The following IL1RAPL1 variants were observed in gnomAD, a reference collection of about 807,000 sequenced individuals.
IL1RAPL1 encodes the protein interleukin 1 receptor accessory protein like 1.
Under a neutral mutation model 48.4 loss-of-function variants are expected in IL1RAPL1, and 3 were observed. The ratio of observed to expected loss-of-function variants is 0.06; its 90% CI spans 0.03 to 0.16. IL1RAPL1 has a LOEUF of 0.16. IL1RAPL1 is among the 10% of genes least tolerant of loss of function. IL1RAPL1 has a pLI of 1.00. For missense variants in IL1RAPL1, 349 were observed against 530.6 expected (o/e 0.66, Z 3.36); for synonymous variants, 185 against 187.7 (o/e 0.99, Z 0.12).
At chrX:29,222,300 T>A (rs950673798) in intron 2 of IL1RAPL1, among the ~76,000 whole-genome samples, 1 of 111,931 alleles carries the variant, frequency 8.9e-6, no homozygotes, top group Admixed American at 9.5e-5. Flanking sequence ...CATTTCTGCC[T>A]AACTTCTATA....
chrX:29,514,527 C>A (rs1285802711), intron 5 of IL1RAPL1, among the ~76,000 whole-genome samples: 2 of 112,659 alleles, frequency 1.8e-5, no homozygotes, highest in Admixed American at 9.4e-5. Flanking sequence ...CGGCTCACTG[C>A]AACCTCTGCC....
chrX:29,616,202 T>G (rs1487443199), intron 5 of IL1RAPL1, among the ~76,000 whole-genome samples: 1 of 111,761 alleles, frequency 8.9e-6, no homozygotes, highest in Non-Finnish European at 1.9e-5. Context: ...ATAGTATAGC[T>G]ATCAATGTTA....
chrX:29,918,664 G>GTGTT (rs1194552588), intron 7 of IL1RAPL1, among the ~76,000 whole-genome samples: 2 of 111,354 alleles, frequency 1.8e-5, no homozygotes, highest in African/African-American at 3.3e-5. Context: ...TACACAAAAT[G>GTGTT]TGTTTATCGC....
At chrX:28,802,482 C>T (rs187708752) in intron 2 of IL1RAPL1, among the ~76,000 whole-genome samples, 2 of 112,195 alleles carry the variant, frequency 1.8e-5, no homozygotes, top group African/African-American at 6.5e-5. Context: ...TGTGAGTATT[C>T]TCAACACTAT....
At chrX:29,942,558 C>T (rs1358269032) in intron 9 of IL1RAPL1, among the ~76,000 whole-genome samples, 11 of 110,195 alleles carry the variant, frequency 1.0e-4, no homozygotes, top group Non-Finnish European at 1.7e-4. Context: ...GATAAACCAG[C>T]AAGATGGGAA....
chrX:28,945,897 A>ATG lies in IL1RAPL1; in HGVS notation c.82+156473_82+156474insGT, dbSNP rs1439015345. ...CTGTTATATATGTATGTATATATAT[A>ATG]TATATATGTGTGTGTGTGTGTGTGT... On this transcript the variant is annotated intron_variant, in intron 2 of 10. Transcript: ENST00000378993. Among the ~76,000 whole-genome samples, 147 of 94,362 alleles carry ATG rather than the reference A, an allele frequency of 1.6e-3. 1 individual carries two copies. The highest frequency in any genetic ancestry group is 0.012 in the Middle Eastern group (2 of 170). The allele number at this position is 94,362 out of a possible 115,157, so 81.9% of individuals were successfully genotyped here. A position where few individuals can be genotyped will look rare whatever the true frequency, so the allele number is the denominator to read the frequency against.
At chrX:29,310,166 G>C (rs889843248) in intron 3 of IL1RAPL1, among the ~76,000 whole-genome samples, 1 of 99,640 alleles carries the variant, frequency 1.0e-5, no homozygotes, top group Non-Finnish European at 2.0e-5. Context: ...AGGGTAAGTC[G>C]GGAGCTTATT....
At chrX:29,845,744 A>G (rs759039290) in intron 6 of IL1RAPL1, among the ~76,000 whole-genome samples, 55 of 111,466 alleles carry the variant, frequency 4.9e-4, no homozygotes, top group African/African-American at 1.7e-3. Context: ...AAGACGTTTA[A>G]TTGGCCCACA....
chrX:29,846,095 C>T (rs778853446), intron 6 of IL1RAPL1, among the ~76,000 whole-genome samples: 15 of 111,407 alleles, frequency 1.3e-4, no homozygotes, highest in African/African-American at 4.9e-4. Context: ...TAATCAACTA[C>T]TTATTTCTTT....
chrX:29,347,081 T>A (rs1933159946), intron 3 of IL1RAPL1, among the ~76,000 whole-genome samples: 1 of 111,000 alleles, frequency 9.0e-6, no homozygotes, highest in Non-Finnish European at 1.9e-5. Flanking sequence ...CACCCCTTAT[T>A]TGTAGGAGAT....
intron 2 of IL1RAPL1, among the ~76,000 whole-genome samples, chrX:28,809,419 T>C (rs1936766479): frequency 9.0e-6 from 1 of 110,618 alleles, no homozygotes; most frequent in Non-Finnish European, 1.9e-5. Context: ...TTTGCAAAGA[T>C]ATCATTTGAG....
intron 5 of IL1RAPL1, among the ~76,000 whole-genome samples, chrX:29,565,670 C>T (rs1051380753): frequency 8.9e-6 from 1 of 111,748 alleles, no homozygotes; most frequent in Non-Finnish European, 1.9e-5. Flanking sequence ...TACAATTTTG[C>T]ATATTGATTA....
intron 2 of IL1RAPL1, among the ~76,000 whole-genome samples, chrX:29,177,133 T>G (rs1382641556): frequency 9.0e-6 from 1 of 111,318 alleles, no homozygotes; most frequent in Non-Finnish European, 1.9e-5. Context: ...GAATTCTGCT[T>G]CAGTGGAGAA....
At chrX:29,507,157 A>G (rs905542078) in intron 5 of IL1RAPL1, among the ~76,000 whole-genome samples, 4 of 108,763 alleles carry the variant, frequency 3.7e-5, no homozygotes, top group African/African-American at 3.3e-5. Flanking sequence ...GGGAGGAAGT[A>G]AAGCCAGCTT....
At chrX:28,906,077 T>C (rs771556505) in intron 2 of IL1RAPL1, among the ~76,000 whole-genome samples, 156 of 112,023 alleles carry the variant, frequency 1.4e-3, no homozygotes, top group African/African-American at 4.8e-3. Flanking sequence ...TCCATGACCT[T>C]CTTCACGTGG....
chrX:29,852,478 C>T (rs1250588969), intron 6 of IL1RAPL1, among the ~76,000 whole-genome samples: 1 of 111,994 alleles, frequency 8.9e-6, no homozygotes, highest in Non-Finnish European at 1.9e-5. Context: ...TAACTTTGAT[C>T]TCTTCTTCAT....
At chrX:29,347,768 T>C (rs1409621286) in intron 3 of IL1RAPL1, among the ~76,000 whole-genome samples, 2 of 111,671 alleles carry the variant, frequency 1.8e-5, no homozygotes, top group Non-Finnish European at 3.8e-5. Context: ...ATATCCAAAT[T>C]GCCAGCATAA....
Position 29,956,692 on chromosome X carries a change from T to TA in IL1RAPL1, c.*877dup, listed in dbSNP as rs1341125538. ...ATATATATATAAATATAAATATATA[T>TA]AAAAACAACAAAACAAAACAAAAAA... is the stretch of plus-strand genomic sequence containing the variant. On this transcript the variant is annotated 3_prime_UTR_variant, in exon 11 of 11. Coordinates refer to ENST00000378993, the MANE Select transcript of IL1RAPL1 (RefSeq NM_014271.4). 2.5e-5 allele frequency: 1 copy of TA among 39,959 alleles called. No homozygotes were observed. Among genetic ancestry groups the TA allele is most frequent in the Non-Finnish European group, 5.0e-5 (1 of 20,122 alleles). The allele number at this position is 39,959 out of a possible 1,213,427, so 3.3% of individuals were successfully genotyped here. A position where few individuals can be genotyped will look rare whatever the true frequency, so the allele number is the denominator to read the frequency against.
chrX:28,892,994 G>A (rs1010262896), intron 2 of IL1RAPL1, among the ~76,000 whole-genome samples: 25 of 111,347 alleles, frequency 2.2e-4, no homozygotes, highest in Non-Finnish European at 2.1e-4. Flanking sequence ...TAAGAGTGGC[G>A]GTTTGGGGAT....
Sources: allele counts gnomAD v4.1 joint callset (sites outside exome capture counted in the v4.1 genomes callset), GRCh38; gene constraint gnomAD v4.1.1; transcripts MANE v1.5; gene names NCBI Gene and HGNC (gene_info 2026-07-23, HGNC 2026-07-21).